The following CPXM2 variants were observed in gnomAD, a reference collection of about 807,000 sequenced individuals.
The protein encoded by CPXM2 is carboxypeptidase X, M14 family member 2.
CPXM2 carries 66 observed loss-of-function variants against 86.1 expected under a neutral mutation model. The ratio of observed to expected loss-of-function variants is 0.77; its 90% CI spans 0.63 to 0.94. CPXM2 has a LOEUF of 0.94. Among genes scored for constraint, CPXM2 ranks in the 40% least tolerant of loss-of-function variants. The probability of loss-of-function intolerance (pLI) is 0.00; values close to 1 mark genes in which losing one functional copy is unlikely to be tolerated. For missense variants in CPXM2, 948 were observed against 1,026.3 expected (o/e 0.92, Z 1.04); for synonymous variants, 388 against 400.2 (o/e 0.97, Z 0.36).
upstream of CPXM2, among the ~76,000 whole-genome samples, chr10:123,895,730 T>C (rs373914740): frequency 2.0e-5 from 3 of 152,336 alleles, no homozygotes; most frequent in African/African-American, 7.2e-5. Context: ...TGATTCTCCC[T>C]GGATGTCAGC....
chr10:123,808,822 T>A (rs886724635), intron 4 of CPXM2, among the ~76,000 whole-genome samples: 1 of 152,196 alleles, frequency 6.6e-6, no homozygotes, highest in African/African-American at 2.4e-5. Context: ...AATTATCACA[T>A]TTTTAAGTTT....
chr10:123,940,914 G>C (rs1341661515), upstream of CPXM2, among the ~76,000 whole-genome samples: 2 of 152,210 alleles, frequency 1.3e-5, no homozygotes, highest in African/African-American at 4.8e-5. Context: ...GCTCACGCCT[G>C]TAATCCCAGC....
chr10:123,777,805 C>G (rs577642080), intron 7 of CPXM2: 1 of 152,446 alleles, frequency 6.6e-6, no homozygotes, highest in African/African-American at 2.4e-5. Flanking sequence ...TCTCTCCCAT[C>G]CCCCATGACT....
chr10:123,934,177 A>G (rs1001202866), intron 2 of CPXM2, among the ~76,000 whole-genome samples: 4 of 152,192 alleles, frequency 2.6e-5, no homozygotes, highest in South Asian at 2.1e-4. Context: ...GCTGTACCCA[A>G]TGACACCGAG....
chr10:123,870,191 C>G (rs1466814264), intron 2 of CPXM2, among the ~76,000 whole-genome samples: 1 of 35,672 alleles, frequency 2.8e-5, no homozygotes, highest in African/African-American at 4.0e-4. Flanking sequence ...GTTCAATAGT[C>G]GTTAGGTGTC....
chr10:123,917,551 A>G (rs1364659008), intron 2 of CPXM2, among the ~76,000 whole-genome samples: 1 of 152,242 alleles, frequency 6.6e-6, no homozygotes, highest in African/African-American at 2.4e-5. Flanking sequence ...AAAGCCTCAG[A>G]TTTTAATGGC....
chr10:123,902,114 T>A (rs1214971947), intron 2 of CPXM2, among the ~76,000 whole-genome samples: 2 of 152,208 alleles, frequency 1.3e-5, no homozygotes, highest in Non-Finnish European at 2.9e-5. Context: ...TTGCTCTTAT[T>A]GGGGGTGAAG....
At chr10:123,863,252 A>G (rs897653209) in intron 2 of CPXM2, among the ~76,000 whole-genome samples, 3 of 152,198 alleles carry the variant, frequency 2.0e-5, no homozygotes, top group African/African-American at 7.2e-5. Context: ...AAGAATGACA[A>G]TGCTTAAAGC....
At chr10:123,767,219 G>T in intron 9 of CPXM2, 67 bp from the exon 10 acceptor site, 1 of 1,418,312 alleles carries the variant, frequency 7.1e-7, no homozygotes, top group Non-Finnish European at 9.8e-7. Context: ...TACCATACAA[G>T]ATGCATCTGT....
intron 2 of CPXM2, among the ~76,000 whole-genome samples, chr10:123,931,362 G>A (rs922750168): frequency 3.9e-5 from 6 of 152,196 alleles, no homozygotes; most frequent in Non-Finnish European, 5.9e-5. Context: ...TTGTGGAGGA[G>A]GACATTAGCA....
intron 4 of CPXM2, among the ~76,000 whole-genome samples, chr10:123,803,849 G>C (rs891654768): frequency 2.0e-5 from 3 of 151,992 alleles, no homozygotes; most frequent in African/African-American, 7.3e-5. Context: ...TTTTAGTAGA[G>C]AGGGGTTTCA....
At chr10:123,809,099 G>A (rs1847638290) in intron 4 of CPXM2, among the ~76,000 whole-genome samples, 1 of 152,126 alleles carries the variant, frequency 6.6e-6, no homozygotes, top group South Asian at 2.1e-4. Context: ...CATCCATGCT[G>A]TAGAGGCTTC....
intron 2 of CPXM2, among the ~76,000 whole-genome samples, chr10:123,874,268 T>C (rs1006442161): frequency 1.3e-5 from 2 of 152,042 alleles, no homozygotes; most frequent in African/African-American, 4.8e-5. Context: ...TCTCCCTGCG[T>C]CCTAACATGG....
chr10:123,839,733 A>G (rs933447804), intron 4 of CPXM2, among the ~76,000 whole-genome samples: 8 of 152,120 alleles, frequency 5.3e-5, no homozygotes. Flanking sequence ...TTCTGGACAT[A>G]CTGAGATAGA....
chr10:123,939,011 A>C (rs1945748918), intron 2 of CPXM2, among the ~76,000 whole-genome samples: 1 of 151,716 alleles, frequency 6.6e-6, no homozygotes, highest in African/African-American at 2.4e-5. Context: ...AGCCAGACTC[A>C]CCCCTCTCCC....
chr10:123,840,627 C>T (rs1039555458), intron 4 of CPXM2, among the ~76,000 whole-genome samples: 38 of 151,866 alleles, frequency 2.5e-4, no homozygotes, highest in African/African-American at 3.1e-4. Context: ...ATAAAATAAC[C>T]GGATATGTAA....
chr10:123,908,319 A>C (rs1053762222), intron 2 of CPXM2, among the ~76,000 whole-genome samples: 1 of 152,160 alleles, frequency 6.6e-6, no homozygotes, highest in African/African-American at 2.4e-5. Flanking sequence ...TAGATTCCAA[A>C]GGCTACAGCT....
Position 123,754,677 on chromosome 10 carries a change from T to G in CPXM2, c.2003A>C (p.His668Pro). The G allele has an allele frequency of 6.3e-7, 1 of 1,589,568 alleles. No homozygotes were observed. The highest frequency in any genetic ancestry group is 8.6e-7 in the Non-Finnish European group (1 of 1,157,460). The change falls in exon 13 of 14, where the codon CAT becomes CCT. Residue 668 changes from histidine (H) to proline (P), a missense_variant. His to Pro is a moderately conservative substitution (Grantham distance 77, BLOSUM62 -2). Transcript: ENST00000241305. The surrounding 1 kb of genome is among the most constrained non-coding windows in gnomAD (Gnocchi z 4.0). ...NAIISVEGINHDIRTANDGDY... is the reference protein window; with the variant it reads ...NAIISVEGINPDIRTANDGDY... ...TTTGCAGTTACCTGTTCGGATGTCA[T>G]GGTTAATGCCTTCTACGGAGATAAT...
At chr10:123,780,307 G>A (rs1846905425) in intron 6 of CPXM2, 52 bp from the exon 7 acceptor site, 2 of 1,120,584 alleles carry the variant, frequency 1.8e-6, no homozygotes, top group Middle Eastern at 3.9e-4. Flanking sequence ...TATCTCCCAT[G>A]GCACCTCTGT....
Sources: gnomAD v4.1 joint callset for allele counts (sites outside exome capture counted in the v4.1 genomes callset) on GRCh38, gnomAD v4.1.1 for gene constraint, Gnocchi (gnomAD v3.1) non-coding constraint, MANE v1.5 for transcripts, NCBI Gene and HGNC (gene_info 2026-07-23, HGNC 2026-07-21) for gene names.